Variants in SNX10 observed in about 807,000 individuals in gnomAD.
SNX10 encodes sorting nexin 10.
In SNX10, 25 loss-of-function variants were observed where a neutral mutation model predicts 28.5. The observed-to-expected ratio is 0.88, with a 90% confidence interval of 0.64 to 1.22. SNX10 has a LOEUF of 1.22. Among genes scored for constraint, SNX10 ranks in the 50% most tolerant of loss-of-function variants. SNX10 has a pLI of 0.00. For missense variants in SNX10, 223 were observed against 242.6 expected (o/e 0.92, Z 0.54); for synonymous variants, 62 against 81.4 (o/e 0.76, Z 1.28).
intron 2 of SNX10, among the ~76,000 whole-genome samples, chr7:26,357,927 G>T (rs1788890629): frequency 6.6e-6 from 1 of 152,068 alleles, no homozygotes; most frequent in Non-Finnish European, 1.5e-5. Flanking sequence ...CCTGCACTGG[G>T]ATGGAGCTTT....
At chr7:26,352,230 A>G (rs1312492174) in intron 2 of SNX10, among the ~76,000 whole-genome samples, 1 of 152,218 alleles carries the variant, frequency 6.6e-6, no homozygotes, top group African/African-American at 2.4e-5. Flanking sequence ...TAAACAAAAT[A>G]GTATTTATAA....
chr7:26,339,832 T>G (rs2128008754), intron 1 of SNX10, among the ~76,000 whole-genome samples: 1 of 149,360 alleles, frequency 6.7e-6, no homozygotes, highest in South Asian at 2.1e-4. Flanking sequence ...CAGGCGTGAG[T>G]CACCCCACCT....
chr7:26,346,622 T>C (rs1788397928), intron 2 of SNX10, among the ~76,000 whole-genome samples, 156 bp downstream of exon 2: 2 of 152,122 alleles, frequency 1.3e-5, no homozygotes, highest in Admixed American at 6.5e-5. Flanking sequence ...ACTCCCACCA[T>C]TGGTGCCTGC....
intron 1 of SNX10, among the ~76,000 whole-genome samples, chr7:26,336,549 CAA>C (rs1787954588): frequency 6.6e-6 from 1 of 151,964 alleles, no homozygotes. Context: ...ACTAAAAATA[CAA>C]AAAAATTAGC....
intron 1 of SNX10, among the ~76,000 whole-genome samples, chr7:26,345,345 C>T (rs564399632): frequency 5.3e-5 from 8 of 152,252 alleles, no homozygotes; most frequent in South Asian, 4.1e-4. Flanking sequence ...GTTGCTCCTC[C>T]GCTCCCCTGG....
chr7:26,347,244 A>G (rs1051775580), intron 2 of SNX10, among the ~76,000 whole-genome samples: 4 of 152,250 alleles, frequency 2.6e-5, no homozygotes, highest in African/African-American at 9.6e-5. Context: ...GTCCTTTGCT[A>G]GCTCTCACAT....
At position 26,365,104 on chromosome 7, in the gene SNX10, C is replaced by G; in HGVS notation, c.270C>G (p.His90Gln). ...NLFFNMNNRQ[H>Q]VDQRRQGLED... ...TTTTCAACATGAACAATCGCCAGCACGTGGATCAGCGTCGCCAGGGTCTGG... is the reference window on the plus strand; with the variant it reads ...TTTTCAACATGAACAATCGCCAGCAGGTGGATCAGCGTCGCCAGGGTCTGG... The change falls in exon 5 of 7, where the codon CAC becomes CAG. Residue 90 changes from histidine (H) to glutamine (Q), a missense_variant. Physicochemically the swap from His to Gln is conservative, Grantham distance 24. Transcript: ENST00000338523. 1 of 1,613,244 alleles carries G rather than the reference C, an allele frequency of 6.2e-7. No homozygotes were observed. Among genetic ancestry groups the G allele is most frequent in the Non-Finnish European group, 8.5e-7 (1 of 1,179,230 alleles).
At chr7:26,357,957 A>G (rs1334594384) in intron 2 of SNX10, among the ~76,000 whole-genome samples, 5 of 152,056 alleles carry the variant, frequency 3.3e-5, no homozygotes, top group Non-Finnish European at 7.4e-5. Context: ...CCATCAGCTC[A>G]TGGGAGGGGG....
chr7:26,364,634 G>T lies in SNX10; in HGVS notation c.211G>T (p.Val71Leu). ...RQRLQSNALLVQLPELPSKNL... is the reference protein window; with the variant it reads ...RQRLQSNALLLQLPELPSKNL... Reference sequence around the variant, plus strand: ...GAGACTCCAAAGTAATGCGTTGCTGGTGTAAGTGATTTAGAGTATACTGTG... The same window carrying T: ...GAGACTCCAAAGTAATGCGTTGCTGTTGTAAGTGATTTAGAGTATACTGTG... The change falls in exon 4 of 7, where the codon GTA (valine) becomes TTA (leucine). Residue 71 changes from valine to leucine, a missense_variant and splice_region_variant. Physicochemically the swap from Val to Leu is conservative, Grantham distance 32. Coordinates refer to ENST00000338523, the MANE Select transcript of SNX10 (RefSeq NM_013322.3). This position sits in a 1 kb window ranked among gnomAD's most constrained non-coding sequence, Gnocchi z 4.9. The T allele has an allele frequency of 6.2e-7, 1 of 1,607,226 alleles. No homozygotes were observed. The highest frequency in any genetic ancestry group is 8.5e-7 in the Non-Finnish European group (1 of 1,173,962).
chr7:26,296,930 A>G (rs1475970506), intron 1 of SNX10, among the ~76,000 whole-genome samples: 1 of 152,248 alleles, frequency 6.6e-6, no homozygotes, highest in Non-Finnish European at 1.5e-5. Flanking sequence ...AATTGAGTGT[A>G]TGATAAAATG....
In SNX10 at chr7:26,322,627, A is replaced by AC. The variant is rs1476194840; in HGVS notation, c.-23-23793_-23-23792insC. ...TCCTTGAATCCAGGTGATACTGCTT[A>AC]TTGGCGTTGATGTTGTGTACTCAGA... On this transcript the variant is annotated intron_variant, in intron 1 of 6. Coordinates refer to ENST00000338523, the MANE Select transcript of SNX10 (RefSeq NM_013322.3). Among the ~76,000 whole-genome samples the AC allele has an allele frequency of 6.6e-5, 10 of 152,170 alleles. No individual in the cohort carries two copies. The East Asian group carries it at 1.9e-3, about 29-fold the overall frequency.
intron 1 of SNX10, among the ~76,000 whole-genome samples, chr7:26,310,241 A>T (rs1319618590): frequency 1.3e-5 from 2 of 152,166 alleles, no homozygotes; most frequent in Non-Finnish European, 2.9e-5. Context: ...CGGCTTAGAA[A>T]CTTGATGGAG....
chr7:26,315,262 C>G (rs4722590), intron 1 of SNX10, among the ~76,000 whole-genome samples: 1 of 151,996 alleles, frequency 6.6e-6, no homozygotes, highest in Non-Finnish European at 1.5e-5. Context: ...TTCTAGATAA[C>G]TATAATGCCA....
At chr7:26,351,439 A>G (rs540467004) in intron 2 of SNX10, among the ~76,000 whole-genome samples, 1 of 152,150 alleles carries the variant, frequency 6.6e-6, no homozygotes, top group Non-Finnish European at 1.5e-5. Context: ...CAATCTAATC[A>G]TGAGACAAAC....
At position 26,346,484 on chromosome 7, in the gene SNX10, C is replaced by G. The variant is rs748864425; in HGVS notation, c.24+18C>G. The G allele has an allele frequency of 5.1e-5, 80 of 1,579,762 alleles. No individual in the cohort carries two copies. The highest frequency in any genetic ancestry group is 5.5e-5 in the Non-Finnish European group (63 of 1,149,072). On this transcript the variant is annotated intron_variant, in intron 2 of 6. Transcript: ENST00000338523. Reference sequence around the variant, plus strand: ...AGAAAGAGGTATGTCATCACAAATCCAAAAATAAATAACCCACTTATTTTG... The same window carrying G: ...AGAAAGAGGTATGTCATCACAAATCGAAAAATAAATAACCCACTTATTTTG...
intron 1 of SNX10, 133 bp downstream of exon 1, chr7:26,292,219 T>C (rs1271661792): frequency 2.0e-5 from 3 of 152,280 alleles, no homozygotes; most frequent in African/African-American, 7.2e-5. Context: ...GGAAAGAGGT[T>C]TGGGTCCCTT....
chr7:26,299,145 C>T (rs1316799657), intron 1 of SNX10, among the ~76,000 whole-genome samples: 2 of 151,908 alleles, frequency 1.3e-5, no homozygotes, highest in Non-Finnish European at 2.9e-5. Context: ...CAGTCATTAC[C>T]TGTGGAGAGT....
chr7:26,325,173 G>T (rs1318725755), intron 1 of SNX10, among the ~76,000 whole-genome samples: 2 of 151,110 alleles, frequency 1.3e-5, no homozygotes, highest in Non-Finnish European at 2.9e-5. Flanking sequence ...ATCCTAGTAC[G>T]TTCAAAATGT....
chr7:26,340,015 A>T (rs1003721158), intron 1 of SNX10, among the ~76,000 whole-genome samples: 16 of 148,062 alleles, frequency 1.1e-4, no homozygotes, highest in Admixed American at 8.8e-4. Context: ...TTTTTTTTTT[A>T]AATAATGATA....
Sources: gnomAD v4.1 joint callset for allele counts (sites outside exome capture counted in the v4.1 genomes callset) on GRCh38, gnomAD v4.1.1 for gene constraint, Gnocchi (gnomAD v3.1) non-coding constraint, MANE v1.5 for transcripts, NCBI Gene and HGNC (gene_info 2026-07-23, HGNC 2026-07-21) for gene names.